TET2: variants seen among roughly 807,000 people sequenced by gnomAD.
TET2 encodes the protein tet methylcytosine dioxygenase 2.
A neutral mutation model predicts 142.9 loss-of-function variants in TET2; 299 were observed. The ratio of observed to expected loss-of-function variants is 2.09; its 90% CI spans 1.90 to 2.30. The LOEUF is 2.30. TET2 is among the 30% of genes most tolerant of loss of function. TET2 has a pLI of 0.00. For missense variants in TET2, 2,418 were observed against 2,378.0 expected, an observed-to-expected ratio of 1.02 and a Z score of -0.35; for synonymous variants, 819 against 849.0, an observed-to-expected ratio of 0.96 and a Z score of 0.61.
At chr4:105,245,591 G>T (rs1578695591) in intron 6 of TET2, among the ~76,000 whole-genome samples, 1 of 152,004 alleles carries the variant, frequency 6.6e-6, no homozygotes, top group Non-Finnish European at 1.5e-5. Flanking sequence ...CGGCCTCCCA[G>T]AGTGCTGGGA....
chr4:105,248,996 TTTTTC>T (rs1729724885), intron 6 of TET2, among the ~76,000 whole-genome samples: 1 of 136,258 alleles, frequency 7.3e-6, no homozygotes, highest in East Asian at 2.1e-4. Flanking sequence ...ACCTTTTTTC[TTTTTC>T]TTTTTTTTTT....
intron 1 of TET2, among the ~76,000 whole-genome samples, chr4:105,168,869 A>G (rs1380637336): frequency 2.6e-5 from 4 of 152,186 alleles, no homozygotes; most frequent in Admixed American, 2.0e-4. Context: ...TACTTCACTT[A>G]GAATAATAGT....
chr4:105,210,175 C>T (rs552949203), intron 2 of TET2, among the ~76,000 whole-genome samples: 17 of 152,208 alleles, frequency 1.1e-4, no homozygotes, highest in African/African-American at 3.4e-4. Context: ...GTACAGATGA[C>T]TAGGAGACGA....
Position 105,163,240 on chromosome 4 carries a change from T to G in TET2, c.-193+16261T>G, listed in dbSNP as rs557771484. Among the ~76,000 whole-genome samples, 13 of 152,350 alleles carry G rather than the reference T, an allele frequency of 8.5e-5. 1 individual carries two copies. In the South Asian group the frequency reaches 2.7e-3, roughly 32 times the overall value. On this transcript the variant is annotated intron_variant, in intron 1 of 10. Coordinates refer to ENST00000380013, the MANE Select transcript of TET2 (RefSeq NM_001127208.3). ...GTGTGTGTTTGAATATATTTTTATATTTTAGATCTAGATTTGTAAACTAGA... is the reference window on the plus strand; with the variant it reads ...GTGTGTGTTTGAATATATTTTTATAGTTTAGATCTAGATTTGTAAACTAGA...
intron 1 of TET2, among the ~76,000 whole-genome samples, chr4:105,167,782 C>T (rs1724241065): frequency 6.6e-6 from 1 of 152,126 alleles, no homozygotes; most frequent in South Asian, 2.1e-4. Context: ...ATATCTTTTA[C>T]CTATCTTGCT....
intron 6 of TET2, among the ~76,000 whole-genome samples, chr4:105,257,360 T>G (rs1297753894): frequency 1.3e-5 from 2 of 152,078 alleles, no homozygotes; most frequent in Non-Finnish European, 2.9e-5. Context: ...TTTCTGGTGG[T>G]TGTTGTTTAT....
chr4:105,187,445 C>A (rs1352601637), intron 1 of TET2, among the ~76,000 whole-genome samples: 1 of 152,142 alleles, frequency 6.6e-6, no homozygotes, highest in East Asian at 1.9e-4. Flanking sequence ...GACTCCAACC[C>A]TGACCTCCTG....
rs1449250005 is a variant in TET2, at chr4:105,244,585, TG to T, written c.3803+808del. 3.2e-3 allele frequency among the ~76,000 whole-genome samples: 176 copies of T among 55,144 alleles called. 23 individuals are homozygous for T. The highest frequency in any genetic ancestry group is 0.021 in the South Asian group (43 of 2,036). The allele number at this position is 55,144 out of a possible 152,430, so 36.2% of individuals were successfully genotyped here. A position where few individuals can be genotyped will look rare whatever the true frequency, so the allele number is the denominator to read the frequency against. On this transcript the variant is annotated intron_variant, in intron 6 of 10. Coordinates refer to ENST00000380013, the MANE Select transcript of TET2 (RefSeq NM_001127208.3). The stretch of plus-strand genomic sequence containing the variant: ...GAATGTTCACGGTGCTACACAGAAA[TG>T]TTTTTTTTTTTTTTTTTTTTTTTTT...
rs1291654477 is a variant in TET2 at position 105,259,726 on chromosome 4, A to G, written c.3911A>G (p.Lys1304Arg). The G allele has an allele frequency of 1.9e-6, 3 of 1,550,944 alleles. No homozygotes were observed. The highest frequency in any genetic ancestry group is 2.6e-6 in the Non-Finnish European group (3 of 1,146,556). Residue 1304 changes from lysine to arginine, a missense_variant, in exon 7 of 11, where the codon AAG (lysine) becomes AGG (arginine). Physicochemically the swap from Lys to Arg is conservative, Grantham distance 26. Transcript: ENST00000380013. ...YYNGCKFARS[K>R]IPRKFKLLGD... ...AATGGATGTAAGTTTGCCAGAAGCA[A>G]GATCCCAAGGAAGTTTAAGCTGCTT...
chr4:105,241,360 A>T lies in TET2; in HGVS notation c.3431A>T (p.Glu1144Val), dbSNP rs2110248697. The change falls in exon 4 of 11, where the codon GAA becomes GTA. Residue 1144 changes from glutamate to valine, a missense_variant. Coordinates refer to ENST00000380013, the MANE Select transcript of TET2 (RefSeq NM_001127208.3). ...RCVEQIIEKDEGPFYTHLGAG... is the reference protein window; with the variant it reads ...RCVEQIIEKDVGPFYTHLGAG... ...ACAGAGCAAATTATTGAAAAAGATG[A>T]AGGTCCTTTTTATACCCATCTAGGA... The T allele has an allele frequency of 6.5e-7, 1 of 1,546,964 alleles. No homozygotes were observed. Among genetic ancestry groups the T allele is most frequent in the Non-Finnish European group, 8.7e-7 (1 of 1,145,022 alleles).
At chr4:105,197,925 G>C (rs540200291) in intron 2 of TET2, among the ~76,000 whole-genome samples, 42 of 152,160 alleles carry the variant, frequency 2.8e-4, no homozygotes, top group Non-Finnish European at 4.9e-4. Flanking sequence ...TTGAAAGTGA[G>C]TCACCTTTTA....
chr4:105,170,727 T>C (rs1329576723), intron 1 of TET2, among the ~76,000 whole-genome samples: 1 of 152,198 alleles, frequency 6.6e-6, no homozygotes, highest in Non-Finnish European at 1.5e-5. Context: ...ACCATTTATA[T>C]TGGCAACTGT....
At chr4:105,232,175 TG>T (rs1728548305) in intron 2 of TET2, among the ~76,000 whole-genome samples, 1 of 152,174 alleles carries the variant, frequency 6.6e-6, no homozygotes, top group Non-Finnish European at 1.5e-5. Context: ...GCTCCATCCA[TG>T]TTGCTGCACA....
At chr4:105,264,637 CAATT>C (rs758098794) in intron 8 of TET2, among the ~76,000 whole-genome samples, 12 of 152,026 alleles carry the variant, frequency 7.9e-5, no homozygotes, top group Non-Finnish European at 1.2e-4. Context: ...TAAATTAAGT[CAATT>C]AATAGTTGTA....
chr4:105,215,713 C>G (rs1320844482), intron 2 of TET2, among the ~76,000 whole-genome samples: 1 of 151,986 alleles, frequency 6.6e-6, no homozygotes, highest in Admixed American at 6.6e-5. Flanking sequence ...TTTTTTTCCC[C>G]CTTATCTGCA....
At chr4:105,212,360 C>T (rs763866033) in intron 2 of TET2, among the ~76,000 whole-genome samples, 19 of 152,174 alleles carry the variant, frequency 1.2e-4, no homozygotes, top group Non-Finnish European at 2.1e-4. Flanking sequence ...AGAAACCCAA[C>T]TAATAAAATA....
chr4:105,215,757 C>T (rs1305779184), intron 2 of TET2, among the ~76,000 whole-genome samples: 1 of 152,116 alleles, frequency 6.6e-6, no homozygotes, highest in Non-Finnish European at 1.5e-5. Context: ...TACATCTTAC[C>T]ACAAAGAGAA....
intron 1 of TET2, among the ~76,000 whole-genome samples, chr4:105,160,890 C>G (rs1003746567): frequency 1.3e-5 from 2 of 152,148 alleles, no homozygotes; most frequent in African/African-American, 4.8e-5. Context: ...AATTCTCTGC[C>G]TCAGGCTTCG....
Position 105,266,347 on chromosome 4 carries a change from T to C in TET2, c.4045-3263T>C, listed in dbSNP as rs1218302434. On this transcript the variant is annotated intron_variant, in intron 8 of 10. Transcript: ENST00000380013. ...TTTAACTGCATCACAGTACAAAAAT[T>C]AAAAAAAAAATCTACCAACAAGGTA... Among the ~76,000 whole-genome samples the C allele has an allele frequency of 2.0e-5, 3 of 148,642 alleles. No individual in the cohort carries two copies. In the East Asian group the frequency reaches 5.9e-4, roughly 29 times the overall value.
Sources: allele counts gnomAD v4.1 joint callset (sites outside exome capture counted in the v4.1 genomes callset), GRCh38; gene constraint gnomAD v4.1.1; transcripts MANE v1.5; gene names NCBI Gene and HGNC (gene_info 2026-07-23, HGNC 2026-07-21).